The following MTMR8 variants were observed in gnomAD, a reference collection of about 807,000 sequenced individuals.
MTMR8 encodes the protein phosphatidylinositol-3,5-bisphosphate 3-phosphatase MTMR8.
Under a neutral mutation model 39.3 loss-of-function variants are expected in MTMR8, and 65 were observed. The ratio of observed to expected loss-of-function variants is 1.65; its 90% CI spans 1.35 to 2.03. MTMR8 has a LOEUF of 2.03. Ranked by LOEUF, MTMR8 falls within the 30% of genes most tolerant of loss-of-function variation. The probability of loss-of-function intolerance (pLI) is 0.00; values close to 1 mark genes in which losing one functional copy is unlikely to be tolerated. For synonymous variants in MTMR8, 245 were observed against 185.2 expected, an observed-to-expected ratio of 1.32 and a Z score of -2.62; for missense variants, 777 against 538.9, an observed-to-expected ratio of 1.44 and a Z score of -4.37.
At chrX:64,382,154 A>C (rs147400753) in intron 1 of MTMR8, among the ~76,000 whole-genome samples, 26,986 of 110,753 alleles carry the variant, frequency 0.24, 7,727 homozygotes, top group African/African-American at 0.83. Flanking sequence ...TCATTGGTAG[A>C]TTGATGGGGA....
At chrX:64,365,260 C>CA in intron 1 of MTMR8, among the ~76,000 whole-genome samples, 1 of 110,508 alleles carries the variant, frequency 9.0e-6, no homozygotes, top group East Asian at 2.9e-4. Flanking sequence ...ACACAGAGAA[C>CA]ACAACAAAGA....
chrX:64,269,364 C>A (rs1383132329), intron 13 of MTMR8, among the ~76,000 whole-genome samples: 1 of 111,871 alleles, frequency 8.9e-6, no homozygotes, highest in Non-Finnish European at 1.9e-5. Context: ...AGGCACTTTA[C>A]ACACAGTATT....
intron 12 of MTMR8, among the ~76,000 whole-genome samples, chrX:64,302,610 A>G (rs73227160): frequency 0.14 from 15,789 of 111,946 alleles, 1,128 homozygotes; most frequent in Middle Eastern, 0.21. Context: ...TATGCTGTTT[A>G]CTTCTTCATT....
intron 1 of MTMR8, among the ~76,000 whole-genome samples, chrX:64,394,638 T>G (rs1260823427): frequency 9.0e-6 from 1 of 111,597 alleles, no homozygotes; most frequent in Non-Finnish European, 1.9e-5. Flanking sequence ...GGGAGTAGGA[T>G]CTGGAAAGAT....
intron 12 of MTMR8, among the ~76,000 whole-genome samples, chrX:64,328,300 A>T (rs941298410): frequency 2.7e-5 from 3 of 112,079 alleles, no homozygotes; most frequent in Non-Finnish European, 5.6e-5. Flanking sequence ...TATTTACAAA[A>T]TCCTAAAGAA....
chrX:64,304,007 T>A (rs1483900950), intron 12 of MTMR8, among the ~76,000 whole-genome samples: 1 of 111,731 alleles, frequency 9.0e-6, no homozygotes, highest in African/African-American at 3.3e-5. Flanking sequence ...TGAGAAAAAG[T>A]TATGATTTTT....
chrX:64,295,239 G>C (rs1331445565), intron 12 of MTMR8, among the ~76,000 whole-genome samples: 3 of 105,986 alleles, frequency 2.8e-5, no homozygotes, highest in East Asian at 2.9e-4. Context: ...AGATGTTTCT[G>C]ACACACACAC....
intron 12 of MTMR8, among the ~76,000 whole-genome samples, chrX:64,313,834 G>C (rs1922384939): frequency 8.9e-6 from 1 of 112,589 alleles, no homozygotes; most frequent in Non-Finnish European, 1.9e-5. Flanking sequence ...TGAAGAACTA[G>C]TACTGTCATT....
chrX:64,320,369 T>C lies in MTMR8; in HGVS notation c.1481+8403A>G, dbSNP rs938082767. ...TTAGTGGCGGCCTTGGAGATGGTAGTCTACATTACTGATGTGGCTCGCTGC... is the reference window on the plus strand; with the variant it reads ...TTAGTGGCGGCCTTGGAGATGGTAGCCTACATTACTGATGTGGCTCGCTGC... On this transcript the variant is annotated intron_variant, in intron 12 of 13. Transcript: ENST00000374852. Among the ~76,000 whole-genome samples the C allele has an allele frequency of 1.1e-4, 12 of 110,643 alleles. No homozygotes were observed. In the Admixed American group the frequency reaches 1.2e-3, roughly 11 times the overall value.
At chrX:64,300,499 C>T (rs1921818901) in intron 12 of MTMR8, among the ~76,000 whole-genome samples, 2 of 109,686 alleles carry the variant, frequency 1.8e-5, no homozygotes, top group African/African-American at 6.6e-5. Flanking sequence ...TTCCTGAATA[C>T]AGCACACTGA....
intron 5 of MTMR8, among the ~76,000 whole-genome samples, chrX:64,349,283 C>A (rs183129595): frequency 1.8e-5 from 2 of 111,466 alleles, no homozygotes; most frequent in Non-Finnish European, 3.8e-5. Flanking sequence ...ACAAAAACAA[C>A]GTAACTATTT....
chrX:64,305,588 A>T (rs1922082082), intron 12 of MTMR8: 2 of 502,702 alleles, frequency 4.0e-6, no homozygotes, highest in South Asian at 4.9e-5. Context: ...TCACAGCTTG[A>T]GGTGCAGCAG....
intron 1 of MTMR8, among the ~76,000 whole-genome samples, chrX:64,376,967 A>T (rs1470174417): frequency 8.9e-6 from 1 of 111,832 alleles, no homozygotes; most frequent in African/African-American, 3.2e-5. Flanking sequence ...GCCATGGCTA[A>T]AAGAACCCCA....
chrX:64,292,511 C>T (rs1921435711), intron 12 of MTMR8, among the ~76,000 whole-genome samples: 1 of 110,400 alleles, frequency 9.1e-6, no homozygotes, highest in African/African-American at 3.3e-5. Context: ...AAGGGAAGAT[C>T]CTGGGGAAGA....
At chrX:64,344,466 A>C (rs946356048) in intron 7 of MTMR8, among the ~76,000 whole-genome samples, 7 of 111,311 alleles carry the variant, frequency 6.3e-5, no homozygotes, top group Non-Finnish European at 1.3e-4. Context: ...ATAGAACATC[A>C]TGGAATCCTG....
intron 1 of MTMR8, among the ~76,000 whole-genome samples, chrX:64,375,873 G>C (rs1240533387): frequency 8.9e-6 from 1 of 111,900 alleles, no homozygotes; most frequent in East Asian, 2.8e-4. Flanking sequence ...AGTGGTGGAG[G>C]ACAGGCCTGG....
intron 1 of MTMR8, among the ~76,000 whole-genome samples, chrX:64,385,643 A>G (rs1414000681): frequency 9.0e-6 from 1 of 111,345 alleles, no homozygotes; most frequent in African/African-American, 3.3e-5. Flanking sequence ...AGGTGAAGGG[A>G]GAGCAGGCAT....
Position 64,348,733 on chromosome X carries a change from T to C in MTMR8, c.659A>G (p.Glu220Gly), listed in dbSNP as rs780045102. ...SGFYTRCVDD[E>G]LLLEAISQTN... ...TTGGCTAATGGCCTCCAACAAGAGC[T>C]CATCATCTACACAGCGAGTGTAAAA... Residue 220 changes from glutamate to glycine, a missense_variant, in exon 6 of 14, where the codon GAG becomes GGG. Transcript: ENST00000374852. 8.3e-7 allele frequency: 1 copy of C among 1,210,291 alleles called. No individual in the cohort carries two copies. Among genetic ancestry groups the C allele is most frequent in the South Asian group, 1.8e-5 (1 of 56,905 alleles).
At chrX:64,270,872 AT>A (rs1350098115) in intron 13 of MTMR8, 74 bp downstream of exon 13, 129 of 1,106,414 alleles carry the variant, frequency 1.2e-4, no homozygotes, top group Non-Finnish European at 1.5e-4. Context: ...TTCCACAAGT[AT>A]CAATTCAACT....
Sources: gnomAD v4.1 joint callset for allele counts (sites outside exome capture counted in the v4.1 genomes callset) on GRCh38, gnomAD v4.1.1 for gene constraint, MANE v1.5 for transcripts, NCBI Gene and HGNC (gene_info 2026-07-23, HGNC 2026-07-21) for gene names.